TXK: variants seen among roughly 807,000 people sequenced by gnomAD.
The protein encoded by TXK is tyrosine-protein kinase TXK.
Under a neutral mutation model 81.0 loss-of-function variants are expected in TXK, and 60 were observed. That is an observed-to-expected ratio of 0.74 (90% CI 0.60 to 0.92). TXK has a LOEUF of 0.92. Among genes scored for constraint, TXK ranks in the 40% least tolerant of loss-of-function variants. The pLI is 0.00. For missense variants in TXK, 581 were observed against 638.3 expected, an observed-to-expected ratio of 0.91 and a Z score of 0.97; for synonymous variants, 203 against 210.7, an observed-to-expected ratio of 0.96 and a Z score of 0.32.
At chr4:48,072,911 GTA>G (rs1716919402) in intron 13 of TXK, among the ~76,000 whole-genome samples, 1 of 152,038 alleles carries the variant, frequency 6.6e-6, no homozygotes, top group Admixed American at 6.6e-5. Context: ...TAACTTTATT[GTA>G]TGTTTTTAAA....
At chr4:48,125,196 A>G (rs549175174) in intron 1 of TXK, among the ~76,000 whole-genome samples, 22 of 152,368 alleles carry the variant, frequency 1.4e-4, no homozygotes, top group Non-Finnish European at 2.8e-4. Context: ...AGTCAAACCC[A>G]GAGTCCATGA....
At chr4:48,080,399 A>G (rs1036588554) in intron 10 of TXK, among the ~76,000 whole-genome samples, 2 of 152,082 alleles carry the variant, frequency 1.3e-5, no homozygotes, top group South Asian at 2.1e-4. Flanking sequence ...TCTCCTCTTC[A>G]TTTTATAATC....
intron 9 of TXK, among the ~76,000 whole-genome samples, chr4:48,089,104 G>C (rs1717648943): frequency 6.6e-6 from 1 of 152,094 alleles, no homozygotes. Flanking sequence ...CTCTTGGAGA[G>C]GAATCATTTC....
chr4:48,113,635 C>A (rs1718711642), intron 2 of TXK, among the ~76,000 whole-genome samples: 1 of 152,104 alleles, frequency 6.6e-6, no homozygotes, highest in African/African-American at 2.4e-5. Flanking sequence ...ATATCTGGCT[C>A]AGTGTTTGTC....
intron 14 of TXK, among the ~76,000 whole-genome samples, chr4:48,068,617 T>C (rs1716700592): frequency 6.6e-6 from 1 of 152,246 alleles, no homozygotes; most frequent in Admixed American, 6.5e-5. Context: ...AGTGACCCCA[T>C]ATCCCTGGTC....
At chr4:48,082,835 A>C (rs1717362466) in intron 10 of TXK, among the ~76,000 whole-genome samples, 3 of 152,186 alleles carry the variant, frequency 2.0e-5, no homozygotes, top group Admixed American at 1.3e-4. Flanking sequence ...GGAGGAGTTC[A>C]GCTGGACCAG....
intron 5 of TXK, 113 bp downstream of exon 5, chr4:48,110,425 C>A: frequency 1.4e-6 from 1 of 693,850 alleles, no homozygotes; most frequent in Non-Finnish European, 2.5e-6. Flanking sequence ...TTATTATTAA[C>A]GCTGTCAAAT....
Position 48,095,238 on chromosome 4 carries a change from T to C in TXK, c.502-16A>G. 1 of 1,596,940 alleles carries C rather than the reference T, an allele frequency of 6.3e-7. No individual in the cohort carries two copies. Among genetic ancestry groups the C allele is most frequent in the South Asian group, 1.1e-5 (1 of 90,532 alleles). Reference sequence around the variant, plus strand: ...CTTCTTTAGACTGCAAAAAAAATCATTTATTGAATAAGTCTATTCCTTCTT... The same window carrying C: ...CTTCTTTAGACTGCAAAAAAAATCACTTATTGAATAAGTCTATTCCTTCTT... On this transcript the variant is annotated splice_polypyrimidine_tract_variant and intron_variant, in intron 6 of 14. Transcript: ENST00000264316.
At position 48,132,905 on chromosome 4, in the gene TXK, C is replaced by T. The variant is rs1470022017; in HGVS notation, c.16+1250G>A. 2.6e-5 allele frequency among the ~76,000 whole-genome samples: 4 copies of T among 151,608 alleles called. No homozygotes were observed. The East Asian group carries it at 7.8e-4, about 29-fold the overall frequency. ...AGGTTGCAGTGAGCTGAGATCGTGC[C>T]ACTGCACTCCAGCCTGGGTGACAGA... On this transcript the variant is annotated intron_variant, in intron 1 of 14. Transcript: ENST00000264316.
chr4:48,110,656 A>T, intron 4 of TXK, 53 bp from the exon 5 acceptor site: 2 of 1,356,176 alleles, frequency 1.5e-6, no homozygotes, highest in Non-Finnish European at 2.1e-6. Context: ...TTGTGGCATT[A>T]TCATGGCAAC....
Position 48,086,691 on chromosome 4 carries a change from T to G in TXK, c.785-54A>C, listed in dbSNP as rs1717545425. 3 of 1,525,318 alleles carry G rather than the reference T, an allele frequency of 2.0e-6. No homozygotes were observed. In the South Asian group the frequency reaches 3.4e-5, roughly 17 times the overall value. The allele number at this position is 1,525,318 out of a possible 1,614,324, so 94.5% of individuals were successfully genotyped here. A position where few individuals can be genotyped will look rare whatever the true frequency, so the allele number is the denominator to read the frequency against. ...GTAGAAAGAAAGACTGTTAAAATAT[T>G]AGGGCTGGAAAATGTTTAGGAAGTA... On this transcript the variant is annotated intron_variant, in intron 9 of 14. Coordinates refer to ENST00000264316, the MANE Select transcript of TXK (RefSeq NM_003328.3).
intron 5 of TXK, 80 bp from the exon 6 acceptor site, chr4:48,105,035 AAGAACTTACTTC>A: frequency 1.0e-6 from 1 of 990,488 alleles, no homozygotes; most frequent in South Asian, 1.6e-5. Flanking sequence ...CTTCATTTTT[AAGAACTTACTTC>A]AGAACTGAGC....
intron 1 of TXK, among the ~76,000 whole-genome samples, chr4:48,126,492 T>G (rs976140101): frequency 6.6e-6 from 1 of 152,138 alleles, no homozygotes; most frequent in Non-Finnish European, 1.5e-5. Context: ...TTTGTGTGTG[T>G]GTGTGGTTGT....
At chr4:48,118,775 T>C (rs1225830057) in intron 1 of TXK, among the ~76,000 whole-genome samples, 3 of 152,210 alleles carry the variant, frequency 2.0e-5, no homozygotes, top group East Asian at 3.8e-4. Context: ...ACTGAGTTAT[T>C]TCTCCAGCAG....
chr4:48,105,478 G>T (rs76491774), intron 5 of TXK, among the ~76,000 whole-genome samples: 5,408 of 152,174 alleles, frequency 0.036, 330 homozygotes, highest in African/African-American at 0.12. Context: ...ATAACAGGGG[G>T]AACACATAGC....
intron 11 of TXK, among the ~76,000 whole-genome samples, chr4:48,077,206 C>T (rs1273907125): frequency 1.3e-5 from 2 of 151,962 alleles, no homozygotes; most frequent in Non-Finnish European, 2.9e-5. Flanking sequence ...ATGTCTGATG[C>T]CAAAGCAATT....
At chr4:48,113,040 T>C (rs569414033) in intron 3 of TXK, among the ~76,000 whole-genome samples, 167 bp downstream of exon 3, 1 of 152,164 alleles carries the variant, frequency 6.6e-6, no homozygotes, top group South Asian at 2.1e-4. Context: ...ACTGGTCTTT[T>C]CTTTTTCCTT....
chr4:48,095,862 A>G (rs1440304580), intron 6 of TXK, among the ~76,000 whole-genome samples: 1 of 152,264 alleles, frequency 6.6e-6, no homozygotes, highest in Non-Finnish European at 1.5e-5. Context: ...AGATGCCAAT[A>G]AAGCTGTAAA....
chr4:48,116,892 C>CT (rs943520797), intron 1 of TXK, among the ~76,000 whole-genome samples: 1 of 151,834 alleles, frequency 6.6e-6, no homozygotes, highest in Non-Finnish European at 1.5e-5. Flanking sequence ...TTTTTTGTTT[C>CT]TTTTTTTTCA....
Sources: gnomAD v4.1 joint callset for allele counts (sites outside exome capture counted in the v4.1 genomes callset) on GRCh38, gnomAD v4.1.1 for gene constraint, MANE v1.5 for transcripts, NCBI Gene and HGNC (gene_info 2026-07-23, HGNC 2026-07-21) for gene names.